DCAF10: variants seen among roughly 807,000 people sequenced by gnomAD.
DCAF10 encodes DDB1- and CUL4-associated factor 10.
A neutral mutation model predicts 51.9 loss-of-function variants in DCAF10; 19 were observed. That is an observed-to-expected ratio of 0.37 (90% CI 0.26 to 0.54). DCAF10 has a LOEUF of 0.54. DCAF10 is among the 20% of genes least tolerant of loss of function. DCAF10 has a pLI of 0.87. For missense variants in DCAF10, 510 were observed against 730.6 expected, an observed-to-expected ratio of 0.70 and a Z score of 3.48; for synonymous variants, 291 against 297.1, an observed-to-expected ratio of 0.98 and a Z score of 0.21.
At chr9:37,804,767 A>C (rs1277690927) in intron 1 of DCAF10, among the ~76,000 whole-genome samples, 1 of 151,316 alleles carries the variant, frequency 6.6e-6, no homozygotes, top group African/African-American at 2.4e-5. Context: ...CAAGAGCAAA[A>C]CTCCATTTAA....
At chr9:37,856,633 A>C (rs762077468) in intron 4 of DCAF10, among the ~76,000 whole-genome samples, 8 of 152,130 alleles carry the variant, frequency 5.3e-5, no homozygotes, top group Non-Finnish European at 8.8e-5. Context: ...TTCAATGTAA[A>C]CTTTATGTCA....
intron 3 of DCAF10, among the ~76,000 whole-genome samples, chr9:37,847,605 A>G (rs1332616089): frequency 6.6e-6 from 1 of 152,242 alleles, no homozygotes; most frequent in Non-Finnish European, 1.5e-5. Context: ...ATGGGAAGCA[A>G]GGCTCTCACC....
At chr9:37,810,466 T>TG (rs773253138) in intron 1 of DCAF10, among the ~76,000 whole-genome samples, 2 of 135,306 alleles carry the variant, frequency 1.5e-5, no homozygotes, top group African/African-American at 5.5e-5. Context: ...TTTCTTTCTT[T>TG]TTTTTTTTGA....
intron 1 of DCAF10, among the ~76,000 whole-genome samples, chr9:37,813,585 A>G (rs1589080067): frequency 6.6e-6 from 1 of 152,250 alleles, no homozygotes; most frequent in East Asian, 1.9e-4. Flanking sequence ...ATGTAAGGAT[A>G]CACAAAGTTT....
chr9:37,816,637 CTCAA>C (rs2119048190), intron 1 of DCAF10, among the ~76,000 whole-genome samples: 1 of 137,562 alleles, frequency 7.3e-6, no homozygotes, highest in Non-Finnish European at 1.7e-5. Context: ...TTAATATAAT[CTCAA>C]TTAACATCTG....
At chr9:37,823,606 T>A (rs1829769098) in intron 2 of DCAF10, among the ~76,000 whole-genome samples, 1 of 150,842 alleles carries the variant, frequency 6.6e-6, no homozygotes, top group African/African-American at 2.5e-5. Flanking sequence ...TGGCGGGGGG[T>A]ACATGTAAAA....
chr9:37,822,861 G>T (rs1212595681), intron 2 of DCAF10, among the ~76,000 whole-genome samples: 1 of 152,168 alleles, frequency 6.6e-6, no homozygotes, highest in South Asian at 2.1e-4. Flanking sequence ...CCAGCAACTT[G>T]AGAGGCTGAG....
In DCAF10 at chr9:37,850,824, TTTTATATATATATATATA is replaced by T. The variant is rs1328286554; in HGVS notation, c.852-3954_852-3937del. The stretch of plus-strand genomic sequence containing the variant: ...TAAATGCTAAGTATGTGAGGATATA[TTTTATATATATATATATA>T]TATATATATATATATATATATATAT... On this transcript the variant is annotated intron_variant, in intron 3 of 6. Coordinates refer to ENST00000377724, the MANE Select transcript of DCAF10 (RefSeq NM_024345.5). Among the ~76,000 whole-genome samples, 9 of 54,516 alleles carry T rather than the reference TTTTATATATATATATATA, an allele frequency of 1.7e-4. 1 individual carries two copies. Among genetic ancestry groups the T allele is most frequent in the African/African-American group, 4.8e-4 (9 of 18,668 alleles). The allele number at this position is 54,516 out of a possible 152,430, so 35.8% of individuals were successfully genotyped here. A position where few individuals can be genotyped will look rare whatever the true frequency, so the allele number is the denominator to read the frequency against.
In DCAF10 at chr9:37,801,426, G is replaced by T; in HGVS notation, c.539+21G>T. On this transcript the variant is annotated intron_variant, in intron 1 of 6. Coordinates refer to ENST00000377724, the MANE Select transcript of DCAF10 (RefSeq NM_024345.5). This position sits in a 1 kb window ranked among gnomAD's most constrained non-coding sequence, Gnocchi z 5.5. ...GACGGGTAAGCGCGGCCCCTCGGAG[G>T]GCGGGCGCCCGCCTCCGCCCGGCTC... 2 of 1,429,402 alleles carry T rather than the reference G, an allele frequency of 1.4e-6. No individual in the cohort carries two copies. Among genetic ancestry groups the T allele is most frequent in the Non-Finnish European group, 1.8e-6 (2 of 1,089,702 alleles). The allele number at this position is 1,429,402 out of a possible 1,614,324, so 88.5% of individuals were successfully genotyped here.
intron 1 of DCAF10, among the ~76,000 whole-genome samples, chr9:37,806,410 C>T (rs556899714): frequency 6.6e-6 from 1 of 152,310 alleles, no homozygotes; most frequent in East Asian, 1.9e-4. Flanking sequence ...TCTAATTACT[C>T]CTCACCCGTG....
Position 37,816,822 on chromosome 9 carries a change from G to A in DCAF10, c.540-2466G>A, listed in dbSNP as rs1262783919. Reference sequence around the variant, plus strand: ...TTACTGTATGAGGTAAATCAATATTGTATCATATAAATTCTACCTAAGTAA... The same window carrying A: ...TTACTGTATGAGGTAAATCAATATTATATCATATAAATTCTACCTAAGTAA... On this transcript the variant is annotated intron_variant, in intron 1 of 6. Coordinates refer to ENST00000377724, the MANE Select transcript of DCAF10 (RefSeq NM_024345.5). 2.0e-5 allele frequency among the ~76,000 whole-genome samples: 3 copies of A among 152,060 alleles called. No individual in the cohort carries two copies. The East Asian group carries it at 5.8e-4, about 29-fold the overall frequency.
intron 3 of DCAF10, among the ~76,000 whole-genome samples, chr9:37,852,565 C>T (rs141419863): frequency 3.9e-4 from 59 of 151,906 alleles, no homozygotes; most frequent in African/African-American, 1.4e-3. Flanking sequence ...GCCACTGCAC[C>T]CCAGCCTGGG....
chr9:37,840,814 A>C (rs925781471), intron 2 of DCAF10, among the ~76,000 whole-genome samples: 1 of 152,178 alleles, frequency 6.6e-6, no homozygotes, highest in South Asian at 2.1e-4. Flanking sequence ...AGCTCCATTC[A>C]TGGTAAGTGC....
intron 2 of DCAF10, 84 bp from the exon 3 acceptor site, chr9:37,842,005 G>C (rs965892218): frequency 7.7e-7 from 1 of 1,296,816 alleles, no homozygotes; most frequent in Non-Finnish European, 1.1e-6. Context: ...TTCTTGACTA[G>C]GTAATATAGT....
Position 37,861,100 on chromosome 9 carries a change from G to A in DCAF10, c.1312-40G>A, listed in dbSNP as rs756696717. 1.7e-5 allele frequency: 27 copies of A among 1,567,878 alleles called. No individual in the cohort carries two copies. Among genetic ancestry groups the A allele is most frequent in the Non-Finnish European group, 2.3e-5 (26 of 1,153,126 alleles). ...TAAGGAATATCTGTAGCACTATTTG[G>A]GCTCTGTAACCTTGGTTTGTCTCCC... On this transcript the variant is annotated intron_variant, in intron 6 of 6. Transcript: ENST00000377724. The surrounding 1 kb of genome is among the most constrained non-coding windows in gnomAD (Gnocchi z 4.9).
chr9:37,838,722 C>G (rs1830246085), intron 2 of DCAF10, among the ~76,000 whole-genome samples: 1 of 151,954 alleles, frequency 6.6e-6, no homozygotes, highest in South Asian at 2.1e-4. Context: ...CAAAACCTGT[C>G]TCTACTAAAA....
chr9:37,840,580 T>C (rs1303838719), intron 2 of DCAF10, among the ~76,000 whole-genome samples: 3 of 152,216 alleles, frequency 2.0e-5, no homozygotes, highest in Non-Finnish European at 4.4e-5. Flanking sequence ...TAAGCTGTTA[T>C]TACAAAAGAG....
rs1289799164 is a variant in DCAF10 at position 37,801,833 on chromosome 9, C to T, written c.539+428C>T. 2.0e-5 allele frequency among the ~76,000 whole-genome samples: 3 copies of T among 152,236 alleles called. No individual in the cohort carries two copies. The highest frequency in any genetic ancestry group is 7.2e-5 in the African/African-American group (3 of 41,466). On this transcript the variant is annotated intron_variant, in intron 1 of 6. Transcript: ENST00000377724. The surrounding 1 kb of genome is among the most constrained non-coding windows in gnomAD (Gnocchi z 5.5). ...AGGAAAGCTGTAGATTCCTTGCACT[C>T]TGTACCTGAACTTGCCATGATGGGG... is the stretch of plus-strand genomic sequence containing the variant.
rs202086101 is a variant in DCAF10 at position 37,801,274 on chromosome 9, G to A, written c.408G>A (p.Leu136=). The part of the protein sequence containing the change: ...WLKERSLGRG[L]FVDPARDNFR... Reference sequence around the variant, plus strand: ...AAGAGCGCAGCCTGGGCCGCGGGCTGTTCGTGGACCCGGCGCGGGACAATT... The same window carrying A: ...AAGAGCGCAGCCTGGGCCGCGGGCTATTCGTGGACCCGGCGCGGGACAATT... Residue 136 remains leucine (L), a synonymous_variant, in exon 1 of 7, where the codon CTG becomes CTA. Transcript: ENST00000377724. The surrounding 1 kb of genome is among the most constrained non-coding windows in gnomAD (Gnocchi z 5.5). 3 of 1,595,612 alleles carry A rather than the reference G, an allele frequency of 1.9e-6. No individual in the cohort carries two copies. The highest frequency in any genetic ancestry group is 1.7e-6 in the Non-Finnish European group (2 of 1,173,734).
Sources: allele counts gnomAD v4.1 joint callset (sites outside exome capture counted in the v4.1 genomes callset), GRCh38; gene constraint gnomAD v4.1.1; non-coding constraint Gnocchi (gnomAD v3.1); transcripts MANE v1.5; gene names NCBI Gene and HGNC (gene_info 2026-07-23, HGNC 2026-07-21).